COA8: variants seen among roughly 807,000 people sequenced by gnomAD.
COA8 encodes cytochrome c oxidase assembly factor 8.
In COA8, 20 loss-of-function variants were observed where a neutral mutation model predicts 22.0. The ratio of observed to expected loss-of-function variants is 0.91; its 90% CI spans 0.64 to 1.32. The LOEUF (loss-of-function observed/expected upper bound fraction) is 1.32, where lower values mean the gene tolerates loss of function less well. Among genes scored for constraint, COA8 ranks in the 40% most tolerant of loss-of-function variants. The pLI is 0.00. For missense variants in COA8, 266 were observed against 230.0 expected (o/e 1.16, Z -1.01); for synonymous variants, 105 against 79.9 (o/e 1.31, Z -1.68).
chr14:103,570,051 T>G (rs1251638529), intron 1 of COA8, among the ~76,000 whole-genome samples: 1 of 152,100 alleles, frequency 6.6e-6, no homozygotes, highest in Non-Finnish European at 1.5e-5. Context: ...GAGATGGGGT[T>G]TCACCATGTT....
In COA8 at chr14:103,579,594, C is replaced by T. The variant is rs1203838912; in HGVS notation, c.385+5424C>T. The T allele has an allele frequency of 3.9e-5, 6 of 152,168 alleles. No homozygotes were observed. The East Asian group carries it at 9.9e-4, about 25-fold the overall frequency. The allele number at this position is 152,168 out of a possible 1,614,324, so 9.4% of individuals were successfully genotyped here. Reference sequence around the variant, plus strand: ...AAACTCCTGACCTCAGATGATCCACCCACCTCGGCCTCCCAAAGTTCTGGG... The same window carrying T: ...AAACTCCTGACCTCAGATGATCCACTCACCTCGGCCTCCCAAAGTTCTGGG... On this transcript the variant is annotated intron_variant, in intron 3 of 4. Transcript: ENST00000409074.
intron 1 of COA8, among the ~76,000 whole-genome samples, chr14:103,566,007 A>G (rs960275431): frequency 2.6e-5 from 4 of 152,146 alleles, no homozygotes; most frequent in Non-Finnish European, 5.9e-5. Flanking sequence ...TTTTTCTGTG[A>G]CTGGTAGAAC....
intron 3 of COA8, 185 bp downstream of exon 3, chr14:103,574,355 C>A: frequency 5.1e-6 from 4 of 785,506 alleles, no homozygotes; most frequent in Non-Finnish European, 8.7e-6. Context: ...CATGGCTCTC[C>A]AATCTCAGCT....
intron 3 of COA8, among the ~76,000 whole-genome samples, chr14:103,576,408 C>G (rs1025965708): frequency 1.3e-5 from 2 of 152,186 alleles, no homozygotes; most frequent in African/African-American, 2.4e-5. Context: ...TCACCATTAT[C>G]TGGAGGAATG....
intron 2 of COA8, among the ~76,000 whole-genome samples, chr14:103,573,505 A>C (rs997365734): frequency 6.6e-6 from 1 of 151,804 alleles, no homozygotes; most frequent in African/African-American, 2.4e-5. Context: ...TGAGTGGGCT[A>C]TGTCTGGTGG....
At chr14:103,575,190 C>T (rs2076221996) in intron 3 of COA8, among the ~76,000 whole-genome samples, 1 of 152,214 alleles carries the variant, frequency 6.6e-6, no homozygotes, top group South Asian at 2.1e-4. Context: ...GTGTGCACAC[C>T]ACATGTGCCG....
At chr14:103,577,779 C>T (rs917004246) in intron 3 of COA8, among the ~76,000 whole-genome samples, 1 of 151,940 alleles carries the variant, frequency 6.6e-6, no homozygotes, top group Non-Finnish European at 1.5e-5. Context: ...AATCCCAGCA[C>T]TTTGGGAGGC....
chr14:103,563,089 C>T lies in COA8; in HGVS notation c.88C>T (p.Arg30Cys). ...ACRGCQLAPERGAERRDTAPS... is the reference protein window; with the variant it reads ...ACRGCQLAPECGAERRDTAPS... ...CCGCGGCTGTCAACTCGCTCCGGAG[C>T]GCGGCGCCGAGCGCAGGGATACGGC... Residue 30 changes from arginine (R) to cysteine (C), a missense_variant, in exon 1 of 5, where the codon CGC becomes TGC. Coordinates refer to ENST00000409074, the MANE Select transcript of COA8 (RefSeq NM_001370595.2). The T allele has an allele frequency of 6.5e-7, 1 of 1,539,822 alleles. No homozygotes were observed. The highest frequency in any genetic ancestry group is 8.7e-7 in the Non-Finnish European group (1 of 1,147,728).
At chr14:103,568,305 G>C (rs1028379434) in intron 1 of COA8, among the ~76,000 whole-genome samples, 1 of 152,152 alleles carries the variant, frequency 6.6e-6, no homozygotes, top group Non-Finnish European at 1.5e-5. Context: ...CCTTGGTGGA[G>C]TACTCAGGAG....
At chr14:103,580,629 G>A (rs1361638530) in intron 3 of COA8, among the ~76,000 whole-genome samples, 1 of 147,800 alleles carries the variant, frequency 6.8e-6, no homozygotes, top group African/African-American at 2.5e-5. Flanking sequence ...GAGTAGCTGG[G>A]ACTACAGGTG....
chr14:103,563,866 A>T (rs948457107), intron 1 of COA8, among the ~76,000 whole-genome samples: 6 of 152,202 alleles, frequency 3.9e-5, no homozygotes, highest in African/African-American at 1.4e-4. Context: ...AAAAAGTGTT[A>T]ATTAAAAATT....
chr14:103,574,308 C>A (rs1595141598), intron 3 of COA8, 138 bp downstream of exon 3: 3 of 1,166,668 alleles, frequency 2.6e-6, no homozygotes, highest in East Asian at 2.4e-5. Context: ...GCTCGGCACA[C>A]CCCTGTCCAA....
intron 3 of COA8, 104 bp from the exon 4 acceptor site, chr14:103,587,170 T>C: frequency 1.3e-6 from 1 of 767,218 alleles, no homozygotes; most frequent in East Asian, 2.7e-5. Flanking sequence ...ATATTGGTCT[T>C]GTATATATCC....
chr14:103,563,224 G>A, intron 1 of COA8, 100 bp downstream of exon 1: 1 of 1,462,054 alleles, frequency 6.8e-7, no homozygotes, highest in Non-Finnish European at 9.3e-7. Context: ...GCCGCCTCAG[G>A]CCTTTGTCCA....
chr14:103,587,158 G>A, intron 3 of COA8, 116 bp from the exon 4 acceptor site: 1 of 628,456 alleles, frequency 1.6e-6, no homozygotes. Flanking sequence ...ATTGATGTTT[G>A]TATATTGGTC....
At chr14:103,585,568 GTTTT>G (rs1292097081) in intron 3 of COA8, among the ~76,000 whole-genome samples, 1 of 142,924 alleles carries the variant, frequency 7.0e-6, no homozygotes, top group Non-Finnish European at 1.5e-5. Context: ...CGTTCTATAG[GTTTT>G]TTCTCTTTTT....
At chr14:103,569,887 C>T (rs764153534) in intron 1 of COA8, among the ~76,000 whole-genome samples, 7 of 152,124 alleles carry the variant, frequency 4.6e-5, no homozygotes, top group African/African-American at 1.4e-4. Flanking sequence ...GACGGAGTCT[C>T]GCTCTGTCGC....
At chr14:103,578,963 G>A (rs955136207) in intron 3 of COA8, among the ~76,000 whole-genome samples, 1 of 152,216 alleles carries the variant, frequency 6.6e-6, no homozygotes, top group Admixed American at 6.5e-5. Context: ...GGAAGAAACT[G>A]AGATGGAGGT....
intron 4 of COA8, chr14:103,588,422 TGGCA>T: frequency 2.7e-6 from 1 of 370,034 alleles, no homozygotes. Flanking sequence ...CCAGCCTGGA[TGGCA>T]GACAGAGTAA....
Sources: gnomAD v4.1 joint callset for allele counts (sites outside exome capture counted in the v4.1 genomes callset) on GRCh38, gnomAD v4.1.1 for gene constraint, MANE v1.5 for transcripts, NCBI Gene and HGNC (gene_info 2026-07-23, HGNC 2026-07-21) for gene names.